KIF16B: variants seen among roughly 807,000 people sequenced by gnomAD.
KIF16B encodes the protein kinesin-like protein KIF16B.
A neutral mutation model predicts 156.3 loss-of-function variants in KIF16B; 98 were observed. That is an observed-to-expected ratio of 0.63 (90% CI 0.53 to 0.74). The LOEUF (loss-of-function observed/expected upper bound fraction) is 0.74. Among genes scored for constraint, KIF16B ranks in the 30% least tolerant of loss-of-function variants. The pLI is 0.00. For missense variants in KIF16B, 1,421 were observed against 1,606.5 expected, an observed-to-expected ratio of 0.88 and a Z score of 1.97; for synonymous variants, 564 against 583.7, an observed-to-expected ratio of 0.97 and a Z score of 0.49.
intron 7 of KIF16B, among the ~76,000 whole-genome samples, chr20:16,507,558 C>T (rs1359948346): frequency 2.0e-5 from 3 of 152,174 alleles, no homozygotes; most frequent in African/African-American, 7.2e-5. Flanking sequence ...ATCATCAACA[C>T]GGCAAGATGA....
chr20:16,374,247 T>G lies in KIF16B; in HGVS notation c.3350+10A>C. 2.0e-6 allele frequency: 3 copies of G among 1,534,234 alleles called. No homozygotes were observed. The East Asian group carries it at 6.9e-5, about 35-fold the overall frequency. ...AATGAGAAGCCTGGAATCACTTTCATGTCCAGTACCTGGCATCCATGAGGG... is the reference window on the plus strand; with the variant it reads ...AATGAGAAGCCTGGAATCACTTTCAGGTCCAGTACCTGGCATCCATGAGGG... On this transcript the variant is annotated intron_variant, in intron 20 of 25. Transcript: ENST00000354981.
chr20:16,442,334 A>ATGTGTGTG (rs148957905), intron 12 of KIF16B, among the ~76,000 whole-genome samples: 46,105 of 144,206 alleles, frequency 0.32, 7,371 homozygotes, highest in South Asian at 0.4. Flanking sequence ...CCATTTCACA[A>ATGTGTGTG]TGTGTGTGTG....
At chr20:16,511,861 C>T (rs570754934) in intron 5 of KIF16B, among the ~76,000 whole-genome samples, 2 of 152,168 alleles carry the variant, frequency 1.3e-5, no homozygotes, top group South Asian at 2.1e-4. Flanking sequence ...TATCAAGAAG[C>T]GACATTAGGC....
intron 17 of KIF16B, among the ~76,000 whole-genome samples, chr20:16,395,997 C>G (rs1367175432): frequency 6.6e-6 from 1 of 152,178 alleles, no homozygotes; most frequent in Non-Finnish European, 1.5e-5. Context: ...GCTACTTCCT[C>G]CCCGCTGAGG....
chr20:16,434,440 A>T (rs2146477116), intron 12 of KIF16B, among the ~76,000 whole-genome samples: 1 of 152,350 alleles, frequency 6.6e-6, no homozygotes, highest in East Asian at 1.9e-4. Context: ...TGCCTTACAA[A>T]AGTCAACAAC....
intron 12 of KIF16B, among the ~76,000 whole-genome samples, chr20:16,453,743 T>A (rs756675528): frequency 7.2e-5 from 11 of 152,208 alleles, no homozygotes; most frequent in African/African-American, 2.4e-4. Flanking sequence ...AGAAGAGGAA[T>A]ACAAATCAAA....
intron 3 of KIF16B, among the ~76,000 whole-genome samples, chr20:16,516,789 A>G (rs894051299): frequency 2.6e-5 from 4 of 152,240 alleles, no homozygotes; most frequent in Admixed American, 2.6e-4. Context: ...GAGGCTTTGA[A>G]AAGTCCAATG....
intron 25 of KIF16B, among the ~76,000 whole-genome samples, chr20:16,304,646 A>G (rs2063517240): frequency 6.6e-6 from 1 of 152,236 alleles, no homozygotes; most frequent in Admixed American, 6.5e-5. Context: ...ATGTTTGATA[A>G]TGGTTCTATT....
At chr20:16,356,782 T>C (rs2064452091) in intron 22 of KIF16B, among the ~76,000 whole-genome samples, 1 of 152,224 alleles carries the variant, frequency 6.6e-6, no homozygotes, top group African/African-American at 2.4e-5. Context: ...AAAAAATCAG[T>C]GTAAACCAGA....
chr20:16,338,610 C>A (rs879870598), intron 23 of KIF16B, among the ~76,000 whole-genome samples: 9 of 152,212 alleles, frequency 5.9e-5, no homozygotes, highest in Admixed American at 5.9e-4. Context: ...AACCTCAAAT[C>A]TGTCCCACTC....
At chr20:16,500,555 CCTG>C (rs2068591264) in intron 10 of KIF16B, among the ~76,000 whole-genome samples, 1 of 152,008 alleles carries the variant, frequency 6.6e-6, no homozygotes, top group African/African-American at 2.4e-5. Context: ...GGCTTTGTCT[CCTG>C]CTATTTCGAA....
rs1173456682 is a variant in KIF16B, at chr20:16,379,249, G to A, written c.2753C>T (p.Pro918Leu). 1.2e-6 allele frequency: 2 copies of A among 1,613,918 alleles called. No individual in the cohort carries two copies. The highest frequency in any genetic ancestry group is 2.7e-5 in the African/African-American group (2 of 74,888). The change falls in exon 19 of 26, where the codon CCA becomes CTA. Residue 918 changes from proline (P) to leucine (L), a missense_variant. Pro to Leu is a moderately conservative substitution (Grantham distance 98). Transcript: ENST00000354981. ...TCTCTGCTTTTCTTCCAACAGAGTT[G>A]GCAAGTGATTCTGCAGGAGGTACTG... ...QLQYLLQNHL[P>L]TLLEEKQRAF...
intron 12 of KIF16B, among the ~76,000 whole-genome samples, chr20:16,460,737 GA>G (rs1196472488): frequency 6.7e-5 from 10 of 149,578 alleles, no homozygotes; most frequent in Admixed American, 3.3e-4. Context: ...ACGAAAACCA[GA>G]AAAAAAAAGT....
chr20:16,296,791 G>T (rs2063393578), intron 25 of KIF16B, among the ~76,000 whole-genome samples: 1 of 152,222 alleles, frequency 6.6e-6, no homozygotes, highest in Non-Finnish European at 1.5e-5. Flanking sequence ...CTGGGCCATG[G>T]TGTCACTAGA....
chr20:16,377,265 A>G (rs2064974974), intron 19 of KIF16B, among the ~76,000 whole-genome samples: 1 of 152,092 alleles, frequency 6.6e-6, no homozygotes, highest in African/African-American at 2.4e-5. Flanking sequence ...AGCTTCAGTT[A>G]AGATCTCAAC....
At chr20:16,381,999 G>T in intron 17 of KIF16B, 1 of 939,100 alleles carries the variant, frequency 1.1e-6, no homozygotes, top group Non-Finnish European at 1.5e-6. Context: ...AACAAAAACT[G>T]TATTGAAAAA....
chr20:16,526,202 G>T lies in KIF16B; in HGVS notation c.121C>A (p.Pro41Thr), dbSNP rs199569686. ...SKTTITNLKIPEGGTGDSGRE... is the reference protein window; with the variant it reads ...SKTTITNLKITEGGTGDSGRE... ...CCTGAGTCCCCAGTGCCTCCTTCTG[G>T]TATCTAGAAAGAAATGATTAGAATA... Residue 41 changes from proline (P) to threonine (T), a missense_variant, in exon 3 of 26, where the codon CCA becomes ACA. Physicochemically the swap from Pro to Thr is conservative, Grantham distance 38 (BLOSUM62 -1). Transcript: ENST00000354981. 8.4e-5 allele frequency: 129 copies of T among 1,539,684 alleles called. No homozygotes were observed. The highest frequency in any genetic ancestry group is 2.4e-4 in the Admixed American group (13 of 54,660).
chr20:16,529,444 T>C (rs1482978042), intron 1 of KIF16B, among the ~76,000 whole-genome samples: 1 of 152,216 alleles, frequency 6.6e-6, no homozygotes, highest in Non-Finnish European at 1.5e-5. Flanking sequence ...TATACTATAA[T>C]GAGATATATC....
chr20:16,453,880 A>G (rs1228404128), intron 12 of KIF16B, among the ~76,000 whole-genome samples: 3 of 152,194 alleles, frequency 2.0e-5, no homozygotes, highest in Admixed American at 1.3e-4. Flanking sequence ...ATCTTTCTAA[A>G]CTAAGATTAC....
Sources: allele counts gnomAD v4.1 joint callset (sites outside exome capture counted in the v4.1 genomes callset), GRCh38; gene constraint gnomAD v4.1.1; transcripts MANE v1.5; gene names NCBI Gene and HGNC (gene_info 2026-07-23, HGNC 2026-07-21).